The following GPR158 variants were observed in gnomAD, a reference collection of about 807,000 sequenced individuals.
The protein encoded by GPR158 is G protein-coupled receptor 158.
Under a neutral mutation model 78.2 loss-of-function variants are expected in GPR158, and 30 were observed. The ratio of observed to expected loss-of-function variants is 0.38; its 90% confidence interval spans 0.29 to 0.52. The LOEUF is 0.52. Ranked by LOEUF, GPR158 falls within the 20% of genes least tolerant of loss-of-function variation. The probability of loss-of-function intolerance (pLI) is 0.83; values close to 1 mark genes in which losing one functional copy is unlikely to be tolerated. For synonymous variants in GPR158, 581 were observed against 591.1 expected (o/e 0.98, Z 0.25); for missense variants, 1,463 against 1,523.5 (o/e 0.96, Z 0.66).
At chr10:25,483,246 G>A (rs1414528959) in intron 5 of GPR158, among the ~76,000 whole-genome samples, 1 of 152,084 alleles carries the variant, frequency 6.6e-6, no homozygotes, top group South Asian at 2.1e-4. Flanking sequence ...AGACCTTCAT[G>A]ATCTGCTCCT....
At chr10:25,461,261 C>G (rs1051049698) in intron 4 of GPR158, among the ~76,000 whole-genome samples, 2 of 152,118 alleles carry the variant, frequency 1.3e-5, no homozygotes, top group Admixed American at 6.5e-5. Context: ...AAAACTAGGC[C>G]TCTTGCACTA....
At chr10:25,524,730 T>C (rs557153921) in intron 5 of GPR158, among the ~76,000 whole-genome samples, 1 of 152,310 alleles carries the variant, frequency 6.6e-6, no homozygotes, top group East Asian at 1.9e-4. Flanking sequence ...GGGTAAGCAA[T>C]GGTTTCTTAG....
intron 8 of GPR158, 47 bp from the exon 9 acceptor site, chr10:25,594,245 G>T (rs1187166584): frequency 1.1e-6 from 1 of 943,424 alleles, no homozygotes; most frequent in Non-Finnish European, 1.8e-6. Context: ...AGTGTTCTAA[G>T]TAGAATCTTA....
intron 7 of GPR158, among the ~76,000 whole-genome samples, chr10:25,581,219 C>T (rs183717801): frequency 4.5e-3 from 690 of 152,164 alleles, no homozygotes; most frequent in African/African-American, 0.015. Context: ...TGAGCCACCG[C>T]GCCCGGCGCT....
intron 2 of GPR158, among the ~76,000 whole-genome samples, chr10:25,283,715 T>G (rs1008277038): frequency 6.6e-6 from 1 of 151,950 alleles, no homozygotes; most frequent in Non-Finnish European, 1.5e-5. Context: ...GTGGAGACCG[T>G]TTTTCTTTTC....
rs113202424 is a variant in GPR158, at chr10:25,514,811, T to C, written c.1405-36165T>C. On this transcript the variant is annotated intron_variant, in intron 5 of 10. Coordinates refer to ENST00000376351, the MANE Select transcript of GPR158 (RefSeq NM_020752.3). ...GGATACAAAATTCTTGGCTGATAAC[T>C]GTTTTTGTTTAAGGAGGCTAAAAAT... 2.1e-3 allele frequency among the ~76,000 whole-genome samples: 326 copies of C among 152,284 alleles called. 3 individuals carry two copies. The highest frequency in any genetic ancestry group is 7.6e-3 in the African/African-American group (314 of 41,574).
intron 4 of GPR158, among the ~76,000 whole-genome samples, chr10:25,463,593 A>G (rs1294531039): frequency 6.6e-6 from 1 of 152,202 alleles, no homozygotes; most frequent in African/African-American, 2.4e-5. Flanking sequence ...AACTCTGGTT[A>G]TAGTTTCATA....
intron 5 of GPR158, among the ~76,000 whole-genome samples, chr10:25,538,603 C>T (rs1836532620): frequency 6.6e-6 from 1 of 152,176 alleles, no homozygotes; most frequent in African/African-American, 2.4e-5. Flanking sequence ...AGTGATCCTT[C>T]TGCCTCATGT....
At chr10:25,335,100 A>AG (rs1855179125) in intron 2 of GPR158, among the ~76,000 whole-genome samples, 2 of 152,108 alleles carry the variant, frequency 1.3e-5, no homozygotes, top group South Asian at 4.1e-4. Context: ...ATACTTATTC[A>AG]GGATATAAGT....
intron 2 of GPR158, among the ~76,000 whole-genome samples, chr10:25,255,432 C>A (rs769796607): frequency 6.6e-6 from 1 of 152,192 alleles, no homozygotes; most frequent in Non-Finnish European, 1.5e-5. Flanking sequence ...GAAGCCTAGG[C>A]TGGATGACCT....
intron 4 of GPR158, among the ~76,000 whole-genome samples, chr10:25,459,489 C>T (rs1457336119): frequency 6.6e-6 from 1 of 152,070 alleles, no homozygotes; most frequent in Admixed American, 6.6e-5. Context: ...CTGAAGAAAT[C>T]AGCAGTGACC....
chr10:25,337,163 A>C (rs1415985344), intron 2 of GPR158, among the ~76,000 whole-genome samples: 5 of 152,088 alleles, frequency 3.3e-5, no homozygotes, highest in Admixed American at 6.6e-5. Context: ...TTTAACTTTC[A>C]AAATTTAAGA....
At chr10:25,340,947 C>A (rs886257176) in intron 2 of GPR158, among the ~76,000 whole-genome samples, 1 of 151,672 alleles carries the variant, frequency 6.6e-6, no homozygotes, top group Non-Finnish European at 1.5e-5. Flanking sequence ...TGGGTGAAAA[C>A]CAAATACAAT....
intron 2 of GPR158, among the ~76,000 whole-genome samples, chr10:25,380,445 T>C (rs866597141): frequency 6.6e-6 from 1 of 152,204 alleles, no homozygotes. Flanking sequence ...ATTAGATCTA[T>C]CTATATTTAT....
chr10:25,473,167 G>GCA (rs1564465103), intron 5 of GPR158, among the ~76,000 whole-genome samples: 4 of 151,536 alleles, frequency 2.6e-5, no homozygotes, highest in Non-Finnish European at 4.4e-5. Context: ...AGCATGAACG[G>GCA]TTGTTGAATT....
rs370858469 is a variant in GPR158 at position 25,598,339 on chromosome 10, G to A, written c.2713G>A (p.Val905Ile). ...RTSMLQKSLS[V>I]IASAKEKTLG... ...ATCGATGTTACAGAAGTCTCTCAGT[G>A]TCATAGCAAGCGCCAAGGAGAAGAC... The change falls in exon 11 of 11, where the codon GTC becomes ATC. Residue 905 changes from valine (V) to isoleucine (I), a missense_variant. Transcript: ENST00000376351. The A allele has an allele frequency of 3.7e-6, 6 of 1,613,982 alleles. No individual in the cohort carries two copies. The highest frequency in any genetic ancestry group is 5.1e-6 in the Non-Finnish European group (6 of 1,180,018).
At chr10:25,290,249 G>A (rs576457611) in intron 2 of GPR158, among the ~76,000 whole-genome samples, 5 of 152,162 alleles carry the variant, frequency 3.3e-5, no homozygotes, top group Non-Finnish European at 5.9e-5. Context: ...AAAGAATTCC[G>A]TATACTATCT....
intron 2 of GPR158, among the ~76,000 whole-genome samples, chr10:25,376,596 C>A (rs893660699): frequency 6.6e-6 from 1 of 151,728 alleles, no homozygotes; most frequent in East Asian, 1.9e-4. Flanking sequence ...GCTTTTTATT[C>A]CCTTTTGCAG....
intron 3 of GPR158, among the ~76,000 whole-genome samples, chr10:25,409,160 C>G (rs1834554974): frequency 6.6e-6 from 1 of 152,204 alleles, no homozygotes; most frequent in Non-Finnish European, 1.5e-5. Flanking sequence ...TTTACCCCTC[C>G]TCTCACACTT....
Sources: allele counts gnomAD v4.1 joint callset (sites outside exome capture counted in the v4.1 genomes callset), GRCh38; gene constraint gnomAD v4.1.1; transcripts MANE v1.5; gene names NCBI Gene and HGNC (gene_info 2026-07-23, HGNC 2026-07-21).